SNTB1: variants seen among roughly 807,000 people sequenced by gnomAD.
SNTB1 encodes beta-1-syntrophin.
A neutral mutation model predicts 48.9 loss-of-function variants in SNTB1; 36 were observed. The ratio of observed to expected loss-of-function variants is 0.74; its 90% CI spans 0.56 to 0.97. The LOEUF is 0.97. Ranked by LOEUF, SNTB1 falls within the 50% of genes least tolerant of loss-of-function variation. The probability of loss-of-function intolerance (pLI) is 0.00; values close to 1 mark genes in which losing one functional copy is unlikely to be tolerated. For missense variants in SNTB1, 786 were observed against 703.4 expected, an observed-to-expected ratio of 1.12 and a Z score of -1.33; for synonymous variants, 299 against 294.6, an observed-to-expected ratio of 1.01 and a Z score of -0.15.
chr8:120,721,718 A>C (rs952114829), intron 1 of SNTB1, among the ~76,000 whole-genome samples: 1 of 152,130 alleles, frequency 6.6e-6, no homozygotes, highest in African/African-American at 2.4e-5. Context: ...TGAGACCATT[A>C]GTTTATTTTT....
At chr8:120,675,319 C>T (rs1353710892) in intron 2 of SNTB1, among the ~76,000 whole-genome samples, 2 of 152,146 alleles carry the variant, frequency 1.3e-5, no homozygotes, top group Non-Finnish European at 2.9e-5. Context: ...AAATATTAAT[C>T]AGCTTGATGA....
At chr8:120,591,417 G>T (rs1301089513) in intron 3 of SNTB1, among the ~76,000 whole-genome samples, 1 of 152,018 alleles carries the variant, frequency 6.6e-6, no homozygotes, top group Non-Finnish European at 1.5e-5. Flanking sequence ...AGGGTCAAAG[G>T]TGTACATGCT....
chr8:120,571,055 T>C lies in SNTB1; in HGVS notation c.1136+4031A>G, dbSNP rs915428816. On this transcript the variant is annotated intron_variant, in intron 4 of 6. Transcript: ENST00000517992. ...TATCCCTTGTCCCAATTATAACTCC[T>C]GGCACATAGTAGATGATTTATAAAT... The C allele has an allele frequency of 3.8e-5, 19 of 504,672 alleles. No homozygotes were observed. The African/African-American group carries it at 3.9e-4, about 10-fold the overall frequency. 31.3% of individuals were successfully genotyped at this position (504,672 alleles called of 1,614,324 possible). A position where few individuals can be genotyped will look rare whatever the true frequency, so the allele number is the denominator to read the frequency against.
rs1563851956 is a variant in SNTB1, at chr8:120,687,881, G to C, written c.788+5811C>G. On this transcript the variant is annotated intron_variant, in intron 2 of 6. Coordinates refer to ENST00000517992, the MANE Select transcript of SNTB1 (RefSeq NM_021021.4). Reference sequence around the variant, plus strand: ...AATGTGAGTCAACCCCTTAGAGATGGATCTGCTAACACTATGCCCACTAAA... The same window carrying C: ...AATGTGAGTCAACCCCTTAGAGATGCATCTGCTAACACTATGCCCACTAAA... Among the ~76,000 whole-genome samples, 4 of 152,276 alleles carry C rather than the reference G, an allele frequency of 2.6e-5. No homozygotes were observed. In the East Asian group the frequency reaches 7.7e-4, roughly 29 times the overall value.
chr8:120,545,895 C>T (rs1457080346), intron 5 of SNTB1, among the ~76,000 whole-genome samples: 1 of 152,046 alleles, frequency 6.6e-6, no homozygotes, highest in Admixed American at 6.6e-5. Context: ...TGACAACAAC[C>T]CTGGGGTAGG....
chr8:120,684,658 T>A (rs1437648970), intron 2 of SNTB1, among the ~76,000 whole-genome samples: 1 of 151,342 alleles, frequency 6.6e-6, no homozygotes, highest in Non-Finnish European at 1.5e-5. Context: ...AAATTGAATT[T>A]TTTTTTTTTT....
chr8:120,543,783 T>C (rs924821868), intron 5 of SNTB1, among the ~76,000 whole-genome samples: 4 of 152,150 alleles, frequency 2.6e-5, no homozygotes, highest in African/African-American at 9.7e-5. Flanking sequence ...CCAGACTGAC[T>C]TGCAGATATC....
At chr8:120,542,425 G>A (rs897357638) in intron 5 of SNTB1, among the ~76,000 whole-genome samples, 6 of 152,256 alleles carry the variant, frequency 3.9e-5, no homozygotes, top group Admixed American at 3.3e-4. Flanking sequence ...AGGCTGAGGT[G>A]GGCAGATCAC....
chr8:120,661,642 C>A (rs936334131), intron 2 of SNTB1, among the ~76,000 whole-genome samples: 1 of 152,130 alleles, frequency 6.6e-6, no homozygotes, highest in Admixed American at 6.5e-5. Flanking sequence ...TGTTCTCCCT[C>A]CCCTTTCCCC....
chr8:120,750,068 G>A (rs1389810452), intron 1 of SNTB1, among the ~76,000 whole-genome samples: 1 of 151,946 alleles, frequency 6.6e-6, no homozygotes, highest in East Asian at 1.9e-4. Flanking sequence ...AGCTTGCAAG[G>A]CCAGCCCTTC....
At chr8:120,628,922 G>A (rs1286485410) in intron 3 of SNTB1, among the ~76,000 whole-genome samples, 1 of 152,156 alleles carries the variant, frequency 6.6e-6, no homozygotes, top group African/African-American at 2.4e-5. Flanking sequence ...TACTTGGGAG[G>A]CTGAGGCAGG....
intron 2 of SNTB1, among the ~76,000 whole-genome samples, chr8:120,657,604 G>A (rs1470344212): frequency 1.3e-5 from 2 of 152,060 alleles, no homozygotes; most frequent in Non-Finnish European, 2.9e-5. Flanking sequence ...TCTCCTCATT[G>A]CCCCACTCTT....
chr8:120,686,289 A>T (rs943883385), intron 2 of SNTB1, among the ~76,000 whole-genome samples: 43 of 152,200 alleles, frequency 2.8e-4, no homozygotes, highest in Non-Finnish European at 8.8e-5. Flanking sequence ...AGGCTGCTAT[A>T]AAAAATATCT....
chr8:120,732,786 C>T (rs1001962611), intron 1 of SNTB1, among the ~76,000 whole-genome samples: 1 of 152,120 alleles, frequency 6.6e-6, no homozygotes, highest in African/African-American at 2.4e-5. Flanking sequence ...GTGGAGGTTG[C>T]AGTGAGCTGA....
chr8:120,671,776 A>T (rs2129786033), intron 2 of SNTB1, among the ~76,000 whole-genome samples: 1 of 152,370 alleles, frequency 6.6e-6, no homozygotes, highest in African/African-American at 2.4e-5. Flanking sequence ...TTACTGTCTT[A>T]AATTGACATT....
intron 1 of SNTB1, among the ~76,000 whole-genome samples, chr8:120,787,364 G>A (rs1233587134): frequency 2.6e-5 from 4 of 151,848 alleles, no homozygotes; most frequent in African/African-American, 9.7e-5. Context: ...CTACAGCAGT[G>A]GATTCAAACC....
At chr8:120,567,607 G>C (rs572423900) in intron 4 of SNTB1, among the ~76,000 whole-genome samples, 9 of 151,846 alleles carry the variant, frequency 5.9e-5, no homozygotes, top group African/African-American at 2.2e-4. Flanking sequence ...ATTTTTTGTA[G>C]AGACGGATCC....
At chr8:120,566,329 CAAAAAA>C (rs71306894) in intron 4 of SNTB1, among the ~76,000 whole-genome samples, 1 of 78,314 alleles carries the variant, frequency 1.3e-5, no homozygotes, top group Admixed American at 1.7e-4. Flanking sequence ...GACTCTGTCT[CAAAAAA>C]AAAAAAAAAA....
At chr8:120,611,381 G>A (rs558531989) in intron 3 of SNTB1, among the ~76,000 whole-genome samples, 1 of 152,182 alleles carries the variant, frequency 6.6e-6, no homozygotes, top group Admixed American at 6.5e-5. Flanking sequence ...TAAGGAAACT[G>A]GGACTGTTAT....
Sources: gnomAD v4.1 joint callset for allele counts (sites outside exome capture counted in the v4.1 genomes callset) on GRCh38, gnomAD v4.1.1 for gene constraint, MANE v1.5 for transcripts, NCBI Gene and HGNC (gene_info 2026-07-23, HGNC 2026-07-21) for gene names.